NHLRC2: variants seen among roughly 807,000 people sequenced by gnomAD.
NHLRC2 encodes the protein NHL repeat-containing protein 2.
A neutral mutation model predicts 68.1 loss-of-function variants in NHLRC2; 33 were observed. The ratio of observed to expected loss-of-function variants is 0.48; its 90% confidence interval spans 0.37 to 0.65. The LOEUF (loss-of-function observed/expected upper bound fraction) is 0.65. Ranked by LOEUF, NHLRC2 falls within the 30% of genes least tolerant of loss-of-function variation. The probability of loss-of-function intolerance (pLI) is 0.00; values close to 1 mark genes in which losing one functional copy is unlikely to be tolerated. For synonymous variants in NHLRC2, 311 were observed against 309.6 expected (o/e 1.00, Z -0.05); for missense variants, 761 against 853.8 (o/e 0.89, Z 1.35).
At chr10:113,905,959 G>C (rs1589550069) in intron 10 of NHLRC2, among the ~76,000 whole-genome samples, 1 of 152,156 alleles carries the variant, frequency 6.6e-6, no homozygotes, top group African/African-American at 2.4e-5. Flanking sequence ...TCCCACAAGG[G>C]GGAAGGCTAA....
rs564053785 is a variant in NHLRC2 at position 113,872,435 on chromosome 10, A to G, written c.332-4086A>G. 5.3e-5 allele frequency among the ~76,000 whole-genome samples: 8 copies of G among 152,310 alleles called. No individual in the cohort carries two copies. In the East Asian group the frequency reaches 1.4e-3, roughly 26 times the overall value. ...TCACATCTATATAAAAACTACTGCA[A>G]AAGAAGCTGAAAATGCAATTCAGAG... On this transcript the variant is annotated intron_variant, in intron 2 of 10. Coordinates refer to ENST00000369301, the MANE Select transcript of NHLRC2 (RefSeq NM_198514.4).
In NHLRC2 at chr10:113,898,286, C is replaced by T. The variant is rs992403097; in HGVS notation, c.1139+77C>T. 16 of 888,306 alleles carry T rather than the reference C, an allele frequency of 1.8e-5. No homozygotes were observed. In the African/African-American group the frequency reaches 1.8e-4, roughly 10 times the overall value. The allele number at this position is 888,306 out of a possible 1,614,324, so 55.0% of individuals were successfully genotyped here. Reference sequence around the variant, plus strand: ...AATTTCTTTTTTCAAAATCACCATCCTCACTGTACCAGTCAGGATGTGCTA... The same window carrying T: ...AATTTCTTTTTTCAAAATCACCATCTTCACTGTACCAGTCAGGATGTGCTA... On this transcript the variant is annotated intron_variant, in intron 6 of 10. Coordinates refer to ENST00000369301, the MANE Select transcript of NHLRC2 (RefSeq NM_198514.4).
At chr10:113,899,323 C>G (rs902497896) in intron 6 of NHLRC2, among the ~76,000 whole-genome samples, 1 of 152,092 alleles carries the variant, frequency 6.6e-6, no homozygotes, top group Non-Finnish European at 1.5e-5. Flanking sequence ...TGTCACGTAG[C>G]CATGGAAAAT....
chr10:113,875,566 T>G (rs1319474988), intron 2 of NHLRC2, among the ~76,000 whole-genome samples: 2 of 152,184 alleles, frequency 1.3e-5, no homozygotes, highest in South Asian at 2.1e-4. Context: ...GAAAAGAAAA[T>G]AAAATTGGCA....
Position 113,864,431 on chromosome 10 carries a change from G to A in NHLRC2, c.331+5751G>A, listed in dbSNP as rs80292441. Among the ~76,000 whole-genome samples, 21 of 152,296 alleles carry A rather than the reference G, an allele frequency of 1.4e-4. No individual in the cohort carries two copies. In the East Asian group the frequency reaches 3.3e-3, roughly 24 times the overall value. On this transcript the variant is annotated intron_variant, in intron 2 of 10. Coordinates refer to ENST00000369301, the MANE Select transcript of NHLRC2 (RefSeq NM_198514.4). ...AACACAAAAATGAGCCAGGCGTGGT[G>A]TCTCACGCCTATAATCCCAGCACTT...
chr10:113,868,273 CT>C (rs1845888653), intron 2 of NHLRC2, among the ~76,000 whole-genome samples: 1 of 152,162 alleles, frequency 6.6e-6, no homozygotes, highest in Middle Eastern at 3.2e-3. Context: ...TTCTCTCCCT[CT>C]TTCCTGTCTC....
intron 5 of NHLRC2, among the ~76,000 whole-genome samples, chr10:113,892,606 T>C (rs1846142687): frequency 1.3e-5 from 2 of 152,192 alleles, no homozygotes; most frequent in African/African-American, 4.8e-5. Context: ...ATTGTTAATA[T>C]GACTCTTGTT....
intron 10 of NHLRC2, among the ~76,000 whole-genome samples, chr10:113,907,388 G>C (rs536260155): frequency 2.6e-4 from 39 of 152,258 alleles, no homozygotes; most frequent in Non-Finnish European, 5.3e-4. Flanking sequence ...GTACAGATGA[G>C]TCATTAGAAA....
chr10:113,869,202 AG>A (rs1845899161), intron 2 of NHLRC2, among the ~76,000 whole-genome samples: 1 of 152,224 alleles, frequency 6.6e-6, no homozygotes, highest in Non-Finnish European at 1.5e-5. Flanking sequence ...TAAGAGCAAT[AG>A]GACTTGATTG....
chr10:113,915,550 G>T lies in NHLRC2; in HGVS notation c.*7014G>T. ...TATTTCCATTTGAAATAAAATGAAA[G>T]GAGACCTCAAACTGATGCTGAGAAG... On this transcript the variant is annotated 3_prime_UTR_variant, in exon 11 of 11. Transcript: ENST00000369301. 3.7e-6 allele frequency: 1 copy of T among 267,222 alleles called. No homozygotes were observed. 16.6% of individuals were successfully genotyped at this position (267,222 alleles called of 1,614,324 possible). A position where few individuals can be genotyped will look rare whatever the true frequency, so the allele number is the denominator to read the frequency against.
At chr10:113,856,969 G>A (rs1845766322) in intron 1 of NHLRC2, among the ~76,000 whole-genome samples, 2 of 152,114 alleles carry the variant, frequency 1.3e-5, no homozygotes, top group Non-Finnish European at 2.9e-5. Flanking sequence ...TTTGTTGGTT[G>A]TGTGATTTTG....
intron 6 of NHLRC2, among the ~76,000 whole-genome samples, chr10:113,900,984 A>T (rs1329080992): frequency 6.6e-6 from 1 of 152,160 alleles, no homozygotes; most frequent in Non-Finnish European, 1.5e-5. Flanking sequence ...CCAGGATCTA[A>T]AGCTTTCTCT....
chr10:113,898,258 T>C, intron 6 of NHLRC2, 49 bp downstream of exon 6: 1 of 1,264,356 alleles, frequency 7.9e-7, no homozygotes, highest in South Asian at 1.2e-5. Context: ...TTGGTGTTCA[T>C]ATAATTTCTT....
Position 113,854,772 on chromosome 10 carries a change from G to T in NHLRC2, c.-101G>T. The T allele has an allele frequency of 1.0e-6, 1 of 957,594 alleles. No individual in the cohort carries two copies. The highest frequency in any genetic ancestry group is 1.5e-6 in the Non-Finnish European group (1 of 656,260). The allele number at this position is 957,594 out of a possible 1,614,324, so 59.3% of individuals were successfully genotyped here. On this transcript the variant is annotated 5_prime_UTR_variant, in exon 1 of 11. Coordinates refer to ENST00000369301, the MANE Select transcript of NHLRC2 (RefSeq NM_198514.4). ...TGGAGTGGGGCTAGTGGAGGGTGAG[G>T]TGAATGCGCCGTTTGGAAACCACAG... is the stretch of plus-strand genomic sequence containing the variant.
At chr10:113,880,067 A>G (rs1846022920) in intron 4 of NHLRC2, among the ~76,000 whole-genome samples, 1 of 151,956 alleles carries the variant, frequency 6.6e-6, no homozygotes, top group Non-Finnish European at 1.5e-5. Flanking sequence ...CTTCTATTCA[A>G]CTTTTATGCT....
chr10:113,865,555 A>G (rs906119816), intron 2 of NHLRC2, among the ~76,000 whole-genome samples: 1 of 150,442 alleles, frequency 6.6e-6, no homozygotes, highest in Non-Finnish European at 1.5e-5. Context: ...AAGTGTTCAC[A>G]GAGGCTTTCT....
In NHLRC2 at chr10:113,876,807, T is replaced by C; in HGVS notation, c.618T>C (p.Asp206=). 1 of 1,612,856 alleles carries C rather than the reference T, an allele frequency of 6.2e-7. No individual in the cohort carries two copies. The highest frequency in any genetic ancestry group is 8.5e-7 in the Non-Finnish European group (1 of 1,179,070). The change falls in exon 3 of 11, where the codon GAT becomes GAC. Residue 206 remains aspartate, a synonymous_variant. Transcript: ENST00000369301. ...KYYKDRGQIR[D]NKIGIKLYKD... is the part of the protein sequence containing the mutation. ...ACAAAGACAGGGGGCAGATCAGAGA[T>C]AATAAAATTGGAATAAAACTCTATA...
rs909041784 is a variant in NHLRC2 at position 113,891,023 on chromosome 10, G to A, written c.1039+6643G>A. ...ATTCACTATCATGAGAACAGCAAGA[G>A]GGAAACTACCCCCATGATCCAATCA... On this transcript the variant is annotated intron_variant, in intron 5 of 10. Transcript: ENST00000369301. 3.8e-4 allele frequency among the ~76,000 whole-genome samples: 58 copies of A among 152,106 alleles called. 1 individual carries two copies. Among genetic ancestry groups the A allele is most frequent in the Non-Finnish European group, 1.6e-4 (11 of 68,020 alleles).
rs1442288971 is a variant in NHLRC2 at position 113,912,208 on chromosome 10, T to C, written c.*3672T>C. On this transcript the variant is annotated 3_prime_UTR_variant, in exon 11 of 11. Coordinates refer to ENST00000369301, the MANE Select transcript of NHLRC2 (RefSeq NM_198514.4). ...ATGGGGCTGATATACCTGCCTCATA[T>C]TCAATGAAATATTGTGTGTACAGCA... 1.3e-5 allele frequency: 2 copies of C among 152,222 alleles called. No individual in the cohort carries two copies. The highest frequency in any genetic ancestry group is 4.8e-5 in the African/African-American group (2 of 41,450). 9.4% of individuals were successfully genotyped at this position (152,222 alleles called of 1,614,324 possible).
Sources: allele counts gnomAD v4.1 joint callset (sites outside exome capture counted in the v4.1 genomes callset), GRCh38; gene constraint gnomAD v4.1.1; transcripts MANE v1.5; gene names NCBI Gene and HGNC (gene_info 2026-07-23, HGNC 2026-07-21).